Variants in KANK1 observed in about 807,000 individuals in gnomAD.
KANK1 encodes KN motif and ankyrin repeat domain-containing protein 1.
A neutral mutation model predicts 106.2 loss-of-function variants in KANK1; 109 were observed. The ratio of observed to expected loss-of-function variants is 1.03; its 90% confidence interval spans 0.88 to 1.20. The LOEUF is 1.20. KANK1 is among the 50% of genes most tolerant of loss of function. The pLI is 0.00. For missense variants in KANK1, 2,399 were observed against 1,710.7 expected (o/e 1.40, Z -7.10); for synonymous variants, 873 against 652.2 (o/e 1.34, Z -5.16).
intron 2 of KANK1, among the ~76,000 whole-genome samples, chr9:704,809 C>T (rs992953854): frequency 6.6e-6 from 1 of 151,646 alleles, no homozygotes; most frequent in African/African-American, 2.4e-5. Context: ...AGCAAGAACT[C>T]ATCTCTATTA....
rs1263631558 is a variant in KANK1 at position 710,624 on chromosome 9, AAAAAACAAAAAAAAAC to A, written c.38-174_38-159del. Among the ~76,000 whole-genome samples the A allele has an allele frequency of 3.0e-3, 389 of 130,560 alleles. 21 individuals carry two copies. Among genetic ancestry groups the A allele is most frequent in the Non-Finnish European group, 4.7e-3 (312 of 65,930 alleles). 85.7% of individuals were successfully genotyped at this position (130,560 alleles called of 152,430 possible). On this transcript the variant is annotated intron_variant, in intron 2 of 11. Transcript: ENST00000382297. ...ACAGAATGACCTGTCTCAAAAAAAA[AAAAAACAAAAAAAAAC>A]AAAAAAAACTTGCTTACCCAGCTGT...
chr9:745,137 A>G (rs1439140359), intron 11 of KANK1, 36 bp from the exon 12 acceptor site: 1 of 1,610,880 alleles, frequency 6.2e-7, no homozygotes, highest in African/African-American at 1.3e-5. Context: ...GAGGTCACTT[A>G]TTAACCCCCA....
intron 1 of KANK1, among the ~76,000 whole-genome samples, chr9:565,153 A>G (rs1817505999): frequency 6.6e-6 from 1 of 152,230 alleles, no homozygotes; most frequent in Non-Finnish European, 1.5e-5. Context: ...CATGTCAGGT[A>G]AACTTTCAGC....
At chr9:600,427 T>G (rs928361637) in intron 1 of KANK1, among the ~76,000 whole-genome samples, 4 of 151,888 alleles carry the variant, frequency 2.6e-5, no homozygotes, top group African/African-American at 9.7e-5. Context: ...AATTAAATGC[T>G]TGGAAAGAAA....
At position 712,729 on chromosome 9, in the gene KANK1, G is replaced by T. The variant is rs558446238; in HGVS notation, c.1963G>T (p.Val655Phe). The change falls in exon 3 of 12, where the codon GTT becomes TTT. Residue 655 changes from valine (V) to phenylalanine (F), a missense_variant. Coordinates refer to ENST00000382297, the MANE Select transcript of KANK1 (RefSeq NM_015158.5). The part of the protein sequence containing the change: ...CASRGVNTEA[V>F]SQVEAAVMAV... ...CTCCCGGGGCGTGAACACTGAGGCTGTTAGCCAGGTGGAAGCTGCCGTCAT... is the reference window on the plus strand; with the variant it reads ...CTCCCGGGGCGTGAACACTGAGGCTTTTAGCCAGGTGGAAGCTGCCGTCAT... 1 of 1,613,820 alleles carries T rather than the reference G, an allele frequency of 6.2e-7. No homozygotes were observed. Among genetic ancestry groups the T allele is most frequent in the African/African-American group, 1.3e-5 (1 of 74,912 alleles).
chr9:617,836 T>C (rs1173378438), intron 1 of KANK1, among the ~76,000 whole-genome samples: 2 of 152,240 alleles, frequency 1.3e-5, no homozygotes, highest in Admixed American at 6.5e-5. Context: ...GTAGGCTCCA[T>C]GTAAGACTTC....
In KANK1 at chr9:568,106, G is replaced by C. The variant is rs190167752; in HGVS notation, c.-84+63352G>C. ...CTAAATTCACAGATGAGTGAAGTAT[G>C]AGGTAGAGAGTGATCCTGTGTGAGA... On this transcript the variant is annotated intron_variant, in intron 1 of 11. Transcript: ENST00000382297. 2.5e-3 allele frequency among the ~76,000 whole-genome samples: 382 copies of C among 152,220 alleles called. 3 individuals are homozygous for C. Among genetic ancestry groups the C allele is most frequent in the African/African-American group, 8.7e-3 (361 of 41,540 alleles).
intron 1 of KANK1, among the ~76,000 whole-genome samples, chr9:623,923 C>G (rs906369919): frequency 1.3e-5 from 2 of 152,094 alleles, no homozygotes; most frequent in Non-Finnish European, 1.5e-5. Context: ...GAGATATCTT[C>G]ACTTCCATAT....
intron 2 of KANK1, among the ~76,000 whole-genome samples, chr9:683,456 C>T (rs1225178365): frequency 1.3e-5 from 2 of 152,180 alleles, no homozygotes; most frequent in African/African-American, 4.8e-5. Flanking sequence ...GCCTTCCTTC[C>T]ATACTCTCAG....
intron 1 of KANK1, among the ~76,000 whole-genome samples, chr9:509,998 G>T (rs934975824): frequency 5.0e-4 from 75 of 150,824 alleles, no homozygotes; most frequent in Non-Finnish European, 7.8e-4. Flanking sequence ...TAGTTGTAGA[G>T]ATGGGGTCTT....
chr9:526,273 A>G (rs557959057), intron 1 of KANK1, among the ~76,000 whole-genome samples: 4 of 151,720 alleles, frequency 2.6e-5, no homozygotes, highest in South Asian at 4.1e-4. Context: ...GCCCACAGGT[A>G]GGAGCTGGTG....
intron 1 of KANK1, among the ~76,000 whole-genome samples, chr9:543,327 G>A (rs1169067978): frequency 6.6e-6 from 1 of 151,972 alleles, no homozygotes; most frequent in Admixed American, 6.6e-5. Flanking sequence ...AGGCCAAGGT[G>A]GGCGGATCAC....
At chr9:545,489 G>C (rs1023525892) in intron 1 of KANK1, among the ~76,000 whole-genome samples, 1 of 152,130 alleles carries the variant, frequency 6.6e-6, no homozygotes, top group African/African-American at 2.4e-5. Flanking sequence ...GAGCAGAAGA[G>C]GGCTTAGGGC....
In KANK1 at chr9:476,026, T is replaced by C. The variant is rs137868866; in HGVS notation, c.-362+2753T>C. 1.8e-3 allele frequency among the ~76,000 whole-genome samples: 276 copies of C among 151,956 alleles called. 2 individuals carry two copies. The highest frequency in any genetic ancestry group is 6.2e-3 in the African/African-American group (258 of 41,434). On this transcript the variant is annotated intron_variant, in intron 3 of 15. Coordinates refer to the KANK1 transcript ENST00000382303. ...TGCCACCACACCCGGCTAATTTTTG[T>C]ATTTTTAACAGAGACAAGTTTTCGC...
intron 1 of KANK1, among the ~76,000 whole-genome samples, chr9:529,706 C>T (rs555355812): frequency 6.6e-6 from 1 of 152,264 alleles, no homozygotes; most frequent in South Asian, 2.1e-4. Flanking sequence ...TTTGTTTAAT[C>T]AGTTTCCTAT....
chr9:634,196 T>A (rs963425417), intron 1 of KANK1, among the ~76,000 whole-genome samples: 10 of 152,182 alleles, frequency 6.6e-5, no homozygotes, highest in Admixed American at 2.0e-4. Flanking sequence ...CCCCAAAGGC[T>A]CAGAGAGTTA....
intron 6 of KANK1, chr9:733,493 G>A (rs1455035965): frequency 6.6e-6 from 1 of 152,186 alleles, no homozygotes; most frequent in Non-Finnish European, 1.5e-5. Flanking sequence ...CCAAATGTGG[G>A]TTCAGATGTG....
At chr9:585,746 AAG>A (rs1440251633) in intron 1 of KANK1, among the ~76,000 whole-genome samples, 2 of 152,258 alleles carry the variant, frequency 1.3e-5, no homozygotes, top group Non-Finnish European at 2.9e-5. Context: ...TGGGCCTTGA[AAG>A]AGGGGGTAAG....
At chr9:591,934 C>T (rs961276527) in intron 1 of KANK1, among the ~76,000 whole-genome samples, 1 of 151,728 alleles carries the variant, frequency 6.6e-6, no homozygotes, top group Non-Finnish European at 1.5e-5. Context: ...GCTGGGATTA[C>T]AGGAGTGAGC....
Sources: gnomAD v4.1 joint callset for allele counts (sites outside exome capture counted in the v4.1 genomes callset) on GRCh38, gnomAD v4.1.1 for gene constraint, MANE v1.5 for transcripts, NCBI Gene and HGNC (gene_info 2026-07-23, HGNC 2026-07-21) for gene names.